Variants in SKI observed in about 807,000 individuals in gnomAD.
The protein encoded by SKI is ski oncogene.
In SKI, 23 loss-of-function variants were observed where a neutral mutation model predicts 59.3. That is an observed-to-expected ratio of 0.39 (90% CI 0.28 to 0.55). The LOEUF is 0.55. Among genes scored for constraint, SKI ranks in the 20% least tolerant of loss-of-function variants. SKI has a pLI of 0.67. For synonymous variants in SKI, 673 were observed against 488.6 expected (o/e 1.38, Z -4.98); for missense variants, 1,017 against 1,038.9 (o/e 0.98, Z 0.29).
chr1:2,298,845 G>A (rs1029384083), intron 1 of SKI, among the ~76,000 whole-genome samples: 4 of 152,214 alleles, frequency 2.6e-5, no homozygotes, highest in African/African-American at 9.6e-5. Flanking sequence ...CTTCCAGGCC[G>A]TGGGCTCCTT....
At chr1:2,285,572 G>T (rs1320859457) in intron 1 of SKI, among the ~76,000 whole-genome samples, 6 of 145,290 alleles carry the variant, frequency 4.1e-5, no homozygotes, top group African/African-American at 1.5e-4. Flanking sequence ...TGTTGTTTTT[G>T]TTTTTTTTTT....
intron 1 of SKI, chr1:2,240,472 G>T: frequency 1.0e-6 from 1 of 985,200 alleles, no homozygotes; most frequent in Non-Finnish European, 1.2e-6. Flanking sequence ...ATGTTGCCTG[G>T]CCCCCATGAG....
chr1:2,264,352 C>G (rs1307762723), intron 1 of SKI, among the ~76,000 whole-genome samples: 3 of 152,114 alleles, frequency 2.0e-5, no homozygotes, highest in Non-Finnish European at 4.4e-5. Flanking sequence ...TCACTGCAAC[C>G]TCTGCCTCTG....
intron 1 of SKI, among the ~76,000 whole-genome samples, chr1:2,297,010 T>C (rs1482859656): frequency 1.3e-5 from 2 of 151,916 alleles, no homozygotes; most frequent in Admixed American, 6.6e-5. Flanking sequence ...TGGCCTCCCT[T>C]GAAAATACTG....
intron 6 of SKI, among the ~76,000 whole-genome samples, 154 bp downstream of exon 6, chr1:2,306,404 G>GTGGT (rs1557854386): frequency 6.6e-6 from 1 of 152,206 alleles, no homozygotes; most frequent in African/African-American, 2.4e-5. Flanking sequence ...CACAGGGTGG[G>GTGGT]TGGTTGCTGG....
rs114703424 is a variant in SKI, at chr1:2,287,839, C to T, written c.970-15139C>T. Among the ~76,000 whole-genome samples, 937 of 152,302 alleles carry T rather than the reference C, an allele frequency of 6.2e-3. 10 individuals carry two copies. Among genetic ancestry groups the T allele is most frequent in the African/African-American group, 0.017 (724 of 41,554 alleles). The stretch of plus-strand genomic sequence containing the variant: ...CTTTCTGGGGTCTCCAGTGTGTCCC[C>T]GATGGACCAGCTTCCTGCATGGCAC... On this transcript the variant is annotated intron_variant, in intron 1 of 6. Coordinates refer to ENST00000378536, the MANE Select transcript of SKI (RefSeq NM_003036.4).
rs963497016 is a variant in SKI, at chr1:2,268,019, C to T, written c.970-34959C>T. Among the ~76,000 whole-genome samples the T allele has an allele frequency of 2.6e-5, 4 of 152,138 alleles. No homozygotes were observed. Among genetic ancestry groups the T allele is most frequent in the Non-Finnish European group, 4.4e-5 (3 of 68,000 alleles). On this transcript the variant is annotated intron_variant, in intron 1 of 6. Transcript: ENST00000378536. The surrounding 1 kb of genome is among the most constrained non-coding windows in gnomAD (Gnocchi z 5.0). ...TGGGCAGCCGCCACCCCTCTGTGGA[C>T]GCTACTCACCCTTAGAAGCAGGTTC...
chr1:2,229,820 C>T lies in SKI; in HGVS notation c.969+85C>T, dbSNP rs1357310319. ...GACTACAGGCTCTGGTCTCCGAAGG[C>T]TGGGACCTGTGCTTCTGCCGTGCCC... On this transcript the variant is annotated intron_variant, in intron 1 of 6. Coordinates refer to ENST00000378536, the MANE Select transcript of SKI (RefSeq NM_003036.4). This position sits in a 1 kb window ranked among gnomAD's most constrained non-coding sequence, Gnocchi z 6.3. The T allele has an allele frequency of 6.5e-7, 1 of 1,544,970 alleles. No homozygotes were observed. Among genetic ancestry groups the T allele is most frequent in the East Asian group, 2.4e-5 (1 of 40,832 alleles).
chr1:2,240,159 C>T (rs962229209), intron 1 of SKI, among the ~76,000 whole-genome samples: 5 of 152,172 alleles, frequency 3.3e-5, no homozygotes, highest in South Asian at 2.1e-4. Flanking sequence ...GCCAGGACCC[C>T]GCAGGGTGGC....
chr1:2,257,724 ATATT>A (rs1323339062), intron 1 of SKI, among the ~76,000 whole-genome samples: 3 of 152,030 alleles, frequency 2.0e-5, no homozygotes, highest in East Asian at 1.9e-4. Context: ...TATATTTTAT[ATATT>A]TATTTATTTA....
In SKI at chr1:2,228,470, C is replaced by G. The variant is rs1337093996; in HGVS notation, c.-297C>G. Among the ~76,000 whole-genome samples the G allele has an allele frequency of 7.2e-6, 1 of 139,270 alleles. No individual in the cohort carries two copies. Among genetic ancestry groups the G allele is most frequent in the Non-Finnish European group, 1.6e-5 (1 of 63,572 alleles). 91.4% of individuals were successfully genotyped at this position (139,270 alleles called of 152,430 possible). Reference sequence around the variant, plus strand: ...CGGGGCATGCCCCGCGCCTAGAGCCCGGGGGGCGCGCGGGGGACGCGCGGG... The same window carrying G: ...CGGGGCATGCCCCGCGCCTAGAGCCGGGGGGGCGCGCGGGGGACGCGCGGG... On this transcript the variant is annotated 5_prime_UTR_variant, in exon 1 of 7. Transcript: ENST00000378536.
intron 1 of SKI, among the ~76,000 whole-genome samples, chr1:2,242,588 C>A (rs2100810803): frequency 6.6e-6 from 1 of 152,326 alleles, no homozygotes; most frequent in Non-Finnish European, 1.5e-5. Flanking sequence ...GGTGTGATCC[C>A]AGCTCACTGC....
chr1:2,281,049 A>G (rs200411023), intron 1 of SKI, among the ~76,000 whole-genome samples: 183 of 4,196 alleles, frequency 0.044, 5 homozygotes, highest in African/African-American at 0.2. Flanking sequence ...ACGCCCGAGA[A>G]GACAGGCGGC....
rs1004248828 is a variant in SKI at position 2,307,271 on chromosome 1, A to AT, written c.*512dup. 1.3e-5 allele frequency: 2 copies of AT among 149,224 alleles called. No homozygotes were observed. Among genetic ancestry groups the AT allele is most frequent in the African/African-American group, 2.5e-5 (1 of 40,240 alleles). The allele number at this position is 149,224 out of a possible 1,614,324, so 9.2% of individuals were successfully genotyped here. ...CAGCAGGGGTTTTTCTTCAGAGTCTATTTTTTCAGCGACAAGGACCCAGGT... is the reference window on the plus strand; with the variant it reads ...CAGCAGGGGTTTTTCTTCAGAGTCTATTTTTTTCAGCGACAAGGACCCAGGT... On this transcript the variant is annotated 3_prime_UTR_variant, in exon 7 of 7. Transcript: ENST00000378536.
At chr1:2,260,543 T>TTTTTTTTTTTTTTTTTTTG (rs1639366212) in intron 1 of SKI, among the ~76,000 whole-genome samples, 1 of 131,662 alleles carries the variant, frequency 7.6e-6, no homozygotes, top group Non-Finnish European at 1.6e-5. Context: ...TTCTTTTTTT[T>TTTTTTTTTTTTTTTTTTTG]TTTTTTTTTT....
chr1:2,274,979 G>C (rs1370408694), intron 1 of SKI, among the ~76,000 whole-genome samples: 1 of 152,178 alleles, frequency 6.6e-6, no homozygotes, highest in Non-Finnish European at 1.5e-5. Context: ...GGTCTTTCCA[G>C]GCATCCCCAG....
At chr1:2,238,609 A>T (rs1047440617) in intron 1 of SKI, among the ~76,000 whole-genome samples, 6 of 152,020 alleles carry the variant, frequency 3.9e-5, no homozygotes, top group South Asian at 4.1e-4. Context: ...TGGGGTCTGG[A>T]CTCTGACCCC....
rs947734479 is a variant in SKI at position 2,309,324 on chromosome 1, T to C, written c.*2559T>C. 1.3e-5 allele frequency: 2 copies of C among 152,154 alleles called. No homozygotes were observed. Among genetic ancestry groups the C allele is most frequent in the Non-Finnish European group, 2.9e-5 (2 of 68,042 alleles). 9.4% of individuals were successfully genotyped at this position (152,154 alleles called of 1,614,324 possible). On this transcript the variant is annotated 3_prime_UTR_variant, in exon 7 of 7. Transcript: ENST00000378536. ...TTCAGTTTAATTCTCATTATATTTC[T>C]ATACTGAAAGAAGATTTTTAACGAA...
At position 2,306,828 on chromosome 1, in the gene SKI, T is replaced by A; in HGVS notation, c.*63T>A. 1 of 1,205,958 alleles carries A rather than the reference T, an allele frequency of 8.3e-7. No individual in the cohort carries two copies. The highest frequency in any genetic ancestry group is 1.1e-6 in the Non-Finnish European group (1 of 936,228). The allele number at this position is 1,205,958 out of a possible 1,614,324, so 74.7% of individuals were successfully genotyped here. ...GGTGCAGGGGGGCGCGGCTGGGCGG[T>A]GCAGCTCCGCCCGGCTCCGCCCCTG... On this transcript the variant is annotated 3_prime_UTR_variant, in exon 7 of 7. Coordinates refer to ENST00000378536, the MANE Select transcript of SKI (RefSeq NM_003036.4).
Sources: allele counts gnomAD v4.1 joint callset (sites outside exome capture counted in the v4.1 genomes callset), GRCh38; gene constraint gnomAD v4.1.1; non-coding constraint Gnocchi (gnomAD v3.1); transcripts MANE v1.5; gene names NCBI Gene and HGNC (gene_info 2026-07-23, HGNC 2026-07-21).